The following MYO1E variants were observed in gnomAD, a reference collection of about 807,000 sequenced individuals.
The protein encoded by MYO1E is unconventional myosin-Ie.
In MYO1E, 68 loss-of-function variants were observed where a neutral mutation model predicts 151.1. The observed-to-expected ratio is 0.45, with a 90% CI of 0.37 to 0.55. The LOEUF is 0.55. Ranked by LOEUF, MYO1E falls within the 20% of genes least tolerant of loss-of-function variation. The pLI is 0.00. For missense variants in MYO1E, 1,363 were observed against 1,389.3 expected, an observed-to-expected ratio of 0.98 and a Z score of 0.30; for synonymous variants, 601 against 501.7, an observed-to-expected ratio of 1.20 and a Z score of -2.64.
chr15:59,203,223 T>C (rs1441642894), intron 15 of MYO1E, among the ~76,000 whole-genome samples: 2 of 152,132 alleles, frequency 1.3e-5, no homozygotes, highest in African/African-American at 2.4e-5. Flanking sequence ...CTTCTACATA[T>C]TGTGGGATAT....
At chr15:59,295,849 C>A (rs1480244641) in intron 1 of MYO1E, among the ~76,000 whole-genome samples, 2 of 152,090 alleles carry the variant, frequency 1.3e-5, no homozygotes, top group African/African-American at 4.8e-5. Flanking sequence ...GGAGAACTTA[C>A]CTCTGTGTAT....
intron 1 of MYO1E, among the ~76,000 whole-genome samples, chr15:59,294,216 A>G (rs1215828865): frequency 6.6e-6 from 1 of 152,220 alleles, no homozygotes; most frequent in Non-Finnish European, 1.5e-5. Flanking sequence ...AAACTGTAAC[A>G]GTCTGAGATG....
intron 1 of MYO1E, among the ~76,000 whole-genome samples, chr15:59,317,270 C>T (rs1417556041): frequency 1.3e-5 from 2 of 152,182 alleles, no homozygotes; most frequent in Non-Finnish European, 2.9e-5. Context: ...AGTAAACAAG[C>T]AATGCTAACA....
rs2079376316 is a variant in MYO1E, at chr15:59,136,844, C to A, written c.*536G>T. 1 of 448,112 alleles carries A rather than the reference C, an allele frequency of 2.2e-6. No homozygotes were observed. Among genetic ancestry groups the A allele is most frequent in the African/African-American group, 2.0e-5 (1 of 49,874 alleles). 27.8% of individuals were successfully genotyped at this position (448,112 alleles called of 1,614,324 possible). A position where few individuals can be genotyped will look rare whatever the true frequency, so the allele number is the denominator to read the frequency against. ...TGCCCCTCTGTCGCCCTGGGCTCAG[C>A]AGGCCAGCTTACCCTTGGCACGTAC... On this transcript the variant is annotated 3_prime_UTR_variant, in exon 28 of 28. Transcript: ENST00000288235.
At chr15:59,264,359 C>CTTA (rs1383976975) in intron 2 of MYO1E, among the ~76,000 whole-genome samples, 1 of 152,178 alleles carries the variant, frequency 6.6e-6, no homozygotes, top group African/African-American at 2.4e-5. Context: ...CGCCCATACT[C>CTTA]TTAATCAAAA....
intron 4 of MYO1E, among the ~76,000 whole-genome samples, chr15:59,242,246 T>C (rs1241805162): frequency 1.3e-5 from 2 of 152,158 alleles, no homozygotes; most frequent in African/African-American, 4.8e-5. Flanking sequence ...TATTCTTCAA[T>C]AAAAAGAACA....
At chr15:59,310,837 G>T (rs1190622894) in intron 1 of MYO1E, among the ~76,000 whole-genome samples, 1 of 151,464 alleles carries the variant, frequency 6.6e-6, no homozygotes, top group East Asian at 2.0e-4. Flanking sequence ...TACTCTGTAA[G>T]AAGCTAGTGG....
chr15:59,364,314 A>G (rs1174893204), intron 1 of MYO1E, among the ~76,000 whole-genome samples: 3 of 152,146 alleles, frequency 2.0e-5, no homozygotes, highest in African/African-American at 7.2e-5. Flanking sequence ...GGGAATGTGG[A>G]GTATGCATCC....
chr15:59,221,903 T>A (rs1328678755), intron 9 of MYO1E, among the ~76,000 whole-genome samples: 2 of 152,194 alleles, frequency 1.3e-5, no homozygotes, highest in African/African-American at 4.8e-5. Context: ...AAACCAACAC[T>A]GTTACAATTA....
chr15:59,217,519 CTTTTTTTTTT>C (rs1164320277), intron 10 of MYO1E, among the ~76,000 whole-genome samples: 1 of 53,164 alleles, frequency 1.9e-5, no homozygotes, highest in Non-Finnish European at 3.3e-5. Context: ...GTCGTTTTAC[CTTTTTTTTTT>C]TTTTTTTTTT....
chr15:59,264,688 T>C (rs1003365090), intron 2 of MYO1E, among the ~76,000 whole-genome samples: 2 of 152,188 alleles, frequency 1.3e-5, no homozygotes, highest in Admixed American at 6.5e-5. Flanking sequence ...TAGGTGGATT[T>C]TTAAAGTATC....
chr15:59,370,994 AG>A (rs766557107), intron 1 of MYO1E, among the ~76,000 whole-genome samples: 2 of 152,316 alleles, frequency 1.3e-5, no homozygotes, highest in East Asian at 1.9e-4. Context: ...GGGTGAGGGA[AG>A]GGGTCCAAAA....
Position 59,224,839 on chromosome 15 carries a change from A to G in MYO1E, c.643-16T>C. The G allele has an allele frequency of 1.2e-6, 2 of 1,614,166 alleles. No individual in the cohort carries two copies. Among genetic ancestry groups the G allele is most frequent in the East Asian group, 2.2e-5 (1 of 44,882 alleles). ...CCTCGATGAGCTGGAGCAAGAGAAC[A>G]CAGGTTGAGCCATGATGTGGACCAC... is the stretch of plus-strand genomic sequence containing the variant. On this transcript the variant is annotated splice_polypyrimidine_tract_variant and intron_variant, in intron 7 of 27. Coordinates refer to ENST00000288235, the MANE Select transcript of MYO1E (RefSeq NM_004998.4).
chr15:59,167,365 C>A (rs1232209566), intron 22 of MYO1E, among the ~76,000 whole-genome samples: 1 of 152,120 alleles, frequency 6.6e-6, no homozygotes, highest in East Asian at 1.9e-4. Context: ...TCATCAGAGA[C>A]CCCCAAATAA....
intron 1 of MYO1E, chr15:59,348,927 A>G (rs1341954679): frequency 6.6e-6 from 1 of 152,264 alleles, no homozygotes; most frequent in Non-Finnish European, 1.5e-5. Flanking sequence ...CACCGCACGC[A>G]GCCGAGTTCA....
At chr15:59,210,640 T>A in intron 12 of MYO1E, 40 bp from the exon 13 acceptor site, 1 of 1,405,802 alleles carries the variant, frequency 7.1e-7, no homozygotes, top group African/African-American at 1.4e-5. Context: ...ATTTCCCAGA[T>A]AGCAAGAGCT....
At chr15:59,289,211 G>A (rs2080405183) in intron 1 of MYO1E, among the ~76,000 whole-genome samples, 1 of 152,248 alleles carries the variant, frequency 6.6e-6, no homozygotes, top group African/African-American at 2.4e-5. Context: ...TCCCTCCTGA[G>A]CAAATCTGTA....
At chr15:59,233,582 T>A (rs1007647439) in intron 5 of MYO1E, among the ~76,000 whole-genome samples, 2 of 145,540 alleles carry the variant, frequency 1.4e-5, no homozygotes, top group Non-Finnish European at 3.0e-5. Context: ...GAGAATCGCT[T>A]GAACCCAGAA....
intron 1 of MYO1E, among the ~76,000 whole-genome samples, chr15:59,315,481 C>A (rs1488805416): frequency 1.3e-5 from 2 of 151,486 alleles, no homozygotes; most frequent in African/African-American, 2.4e-5. Context: ...TGAAGCAAAC[C>A]ACTATGGCAC....
Sources: allele counts gnomAD v4.1 joint callset (sites outside exome capture counted in the v4.1 genomes callset), GRCh38; gene constraint gnomAD v4.1.1; transcripts MANE v1.5; gene names NCBI Gene and HGNC (gene_info 2026-07-23, HGNC 2026-07-21).